ERC1: variants seen among roughly 807,000 people sequenced by gnomAD.
ERC1 encodes ELKS/RAB6-interacting/CAST family member 1.
ERC1 carries 56 observed loss-of-function variants against 132.0 expected under a neutral mutation model. That is an observed-to-expected ratio of 0.42 (90% CI 0.34 to 0.53). The LOEUF is 0.53. ERC1 is among the 20% of genes least tolerant of loss of function. ERC1 has a pLI of 0.03. For missense variants in ERC1, 1,202 were observed against 1,349.9 expected (o/e 0.89, Z 1.72); for synonymous variants, 478 against 476.1 (o/e 1.00, Z -0.05).
chr12:1,394,306 A>G (rs1566759496), intron 16 of ERC1, among the ~76,000 whole-genome samples: 2 of 151,898 alleles, frequency 1.3e-5, no homozygotes, highest in African/African-American at 2.4e-5. Context: ...AGGCTGAGGC[A>G]GGAGAATGGT....
chr12:1,147,282 T>C (rs1276198742), intron 8 of ERC1, among the ~76,000 whole-genome samples: 1 of 152,210 alleles, frequency 6.6e-6, no homozygotes, highest in African/African-American at 2.4e-5. Context: ...GCTTAAGGTA[T>C]GTCCCTTGTA....
chr12:1,403,782 C>G (rs1409853879), intron 16 of ERC1, among the ~76,000 whole-genome samples: 2 of 152,060 alleles, frequency 1.3e-5, no homozygotes, highest in Non-Finnish European at 2.9e-5. Flanking sequence ...AGTTTTTAAA[C>G]TTATGCTAGA....
chr12:1,066,836 C>CAA (rs35134824), intron 2 of ERC1, among the ~76,000 whole-genome samples: 9,563 of 129,868 alleles, frequency 0.074, 1,132 homozygotes, highest in African/African-American at 0.25. Context: ...GACTCTGTCT[C>CAA]AAAAAAAAAA....
chr12:1,490,174 G>A lies in ERC1; in HGVS notation c.3295G>A (p.Asp1099Asn). 6.2e-7 allele frequency: 1 copy of A among 1,614,198 alleles called. No homozygotes were observed. The highest frequency in any genetic ancestry group is 8.5e-7 in the Non-Finnish European group (1 of 1,180,032). The change falls in exon 19 of 19, where the codon GAC (aspartate) becomes AAC (asparagine). Residue 1099 changes from aspartate (D) to asparagine (N), a missense_variant. Asp to Asn is a conservative substitution (Grantham distance 23, BLOSUM62 1). Coordinates refer to ENST00000360905, the MANE Select transcript of ERC1 (RefSeq NM_178040.4). ...CAACGCCATTCTTCAGCAGATAGCAGACCATTGTCCCGACATCCTAGAGCA... is the reference window on the plus strand; with the variant it reads ...CAACGCCATTCTTCAGCAGATAGCAAACCATTGTCCCGACATCCTAGAGCA... ...FANAILQQIA[D>N]HCPDILEQVV...
At chr12:1,442,419 T>A (rs1324705169) in intron 17 of ERC1, among the ~76,000 whole-genome samples, 2 of 152,228 alleles carry the variant, frequency 1.3e-5, no homozygotes, top group Non-Finnish European at 2.9e-5. Context: ...ACCGTAAACC[T>A]GCTGATTAGG....
intron 2 of ERC1, among the ~76,000 whole-genome samples, chr12:1,057,209 C>T (rs1287572610): frequency 1.3e-5 from 2 of 152,048 alleles, no homozygotes; most frequent in South Asian, 2.1e-4. Context: ...CTGCAACCAC[C>T]GCCTCCAGGG....
chr12:1,228,098 C>G (rs1478025070), intron 12 of ERC1, among the ~76,000 whole-genome samples: 1 of 152,158 alleles, frequency 6.6e-6, no homozygotes. Context: ...CTTTGTTCTT[C>G]TTACTCACAA....
chr12:1,179,921 T>C (rs765874861), intron 8 of ERC1, among the ~76,000 whole-genome samples: 53 of 152,256 alleles, frequency 3.5e-4, no homozygotes, highest in Admixed American at 6.5e-5. Flanking sequence ...AAATGTTTGC[T>C]GCTTAGATAA....
At chr12:1,198,412 T>A in intron 12 of ERC1, among the ~76,000 whole-genome samples, 1 of 152,210 alleles carries the variant, frequency 6.6e-6, no homozygotes, top group East Asian at 1.9e-4. Context: ...AACCAAAATA[T>A]TGCACTGCTA....
intron 1 of ERC1, among the ~76,000 whole-genome samples, chr12:1,004,418 T>G (rs1188720802): frequency 2.1e-5 from 3 of 142,106 alleles, no homozygotes; most frequent in Non-Finnish European, 4.6e-5. Flanking sequence ...TTTTTTTTTT[T>G]TTTTTTGAGA....
At chr12:1,333,965 T>TA (rs1385089112) in intron 15 of ERC1, among the ~76,000 whole-genome samples, 1 of 152,226 alleles carries the variant, frequency 6.6e-6, no homozygotes, top group Non-Finnish European at 1.5e-5. Context: ...TGGTGTGAGA[T>TA]AATATTGTGG....
At chr12:1,363,826 C>T (rs2154371641) in intron 15 of ERC1, among the ~76,000 whole-genome samples, 2 of 152,232 alleles carry the variant, frequency 1.3e-5, no homozygotes, top group South Asian at 4.1e-4. Flanking sequence ...AAATTGTTGC[C>T]ATTACAGGTG....
intron 1 of ERC1, among the ~76,000 whole-genome samples, chr12:1,026,421 A>G (rs929768770): frequency 6.6e-6 from 1 of 152,238 alleles, no homozygotes; most frequent in African/African-American, 2.4e-5. Context: ...TACTTTTAAC[A>G]TATATTAAAT....
At chr12:1,283,116 C>T (rs1247026882) in intron 14 of ERC1, among the ~76,000 whole-genome samples, 2 of 152,082 alleles carry the variant, frequency 1.3e-5, no homozygotes, top group Non-Finnish European at 2.9e-5. Flanking sequence ...TAATTTGTTC[C>T]CTTCTTATTC....
intron 12 of ERC1, among the ~76,000 whole-genome samples, chr12:1,230,675 C>G (rs1211221507): frequency 1.3e-5 from 2 of 152,154 alleles, no homozygotes. Context: ...GTAAAGTCCT[C>G]TCTTGTTATT....
At chr12:1,362,478 C>T (rs1591540010) in intron 15 of ERC1, among the ~76,000 whole-genome samples, 1 of 152,156 alleles carries the variant, frequency 6.6e-6, no homozygotes, top group Non-Finnish European at 1.5e-5. Context: ...CTGTCTCTCT[C>T]TCTCTCGAAG....
At chr12:1,107,864 CATGGG>C (rs1945431373) in intron 4 of ERC1, among the ~76,000 whole-genome samples, 1 of 151,956 alleles carries the variant, frequency 6.6e-6, no homozygotes, top group Admixed American at 6.6e-5. Context: ...GGAGAGAGTT[CATGGG>C]AAAAAGGTTG....
chr12:1,444,762 A>G lies in ERC1; in HGVS notation c.3213+12A>G, dbSNP rs569765517. 3 of 1,609,054 alleles carry G rather than the reference A, an allele frequency of 1.9e-6. No homozygotes were observed. Among genetic ancestry groups the G allele is most frequent in the Non-Finnish European group, 2.5e-6 (3 of 1,178,964 alleles). ...TGACCCGGGGGCAGGTGAGCCTCTCACTCAAACTTTGAAAAGAGCCTGTGA... is the reference window on the plus strand; with the variant it reads ...TGACCCGGGGGCAGGTGAGCCTCTCGCTCAAACTTTGAAAAGAGCCTGTGA... On this transcript the variant is annotated intron_variant, in intron 18 of 18. Coordinates refer to ENST00000360905, the MANE Select transcript of ERC1 (RefSeq NM_178040.4).
intron 14 of ERC1, among the ~76,000 whole-genome samples, chr12:1,268,953 C>A (rs1422996708): frequency 6.6e-6 from 1 of 152,092 alleles, no homozygotes; most frequent in Non-Finnish European, 1.5e-5. Flanking sequence ...TAAGGGAGAT[C>A]CTTTGTACAG....
Sources: gnomAD v4.1 joint callset for allele counts (sites outside exome capture counted in the v4.1 genomes callset) on GRCh38, gnomAD v4.1.1 for gene constraint, MANE v1.5 for transcripts, NCBI Gene and HGNC (gene_info 2026-07-23, HGNC 2026-07-21) for gene names.